Variants in HACD4 observed in about 807,000 individuals in gnomAD.
HACD4 encodes very-long-chain (3R)-3-hydroxyacyl-CoA dehydratase 4.
A neutral mutation model predicts 33.3 loss-of-function variants in HACD4; 35 were observed. The ratio of observed to expected loss-of-function variants is 1.05; its 90% CI spans 0.80 to 1.39. HACD4 has a LOEUF of 1.39. HACD4 is among the 40% of genes most tolerant of loss of function. The probability of loss-of-function intolerance (pLI) is 0.00; values close to 1 mark genes in which losing one functional copy is unlikely to be tolerated. For missense variants in HACD4, 323 were observed against 276.5 expected (o/e 1.17, Z -1.19); for synonymous variants, 118 against 98.0 (o/e 1.20, Z -1.21).
At chr9:21,025,065 A>G (rs780264020) in intron 3 of HACD4, among the ~76,000 whole-genome samples, 15 of 152,168 alleles carry the variant, frequency 9.9e-5, no homozygotes, top group Non-Finnish European at 2.2e-4. Context: ...ACAGATCTGT[A>G]TCCCCGTTTA....
chr9:21,008,005 C>G lies in HACD4; in HGVS notation c.616+16G>C, dbSNP rs1269134740. 1.9e-6 allele frequency: 3 copies of G among 1,570,556 alleles called. No homozygotes were observed. Among genetic ancestry groups the G allele is most frequent in the Non-Finnish European group, 1.7e-6 (2 of 1,161,604 alleles). ...TACAGGAAAAATGCAAAAACAAGAC[C>G]AAAAAAGCCACTTACCTATAAAGAG... On this transcript the variant is annotated intron_variant, in intron 6 of 6. Coordinates refer to ENST00000495827, the MANE Select transcript of HACD4 (RefSeq NM_001010915.5).
intron 3 of HACD4, among the ~76,000 whole-genome samples, chr9:21,016,998 A>T (rs558875703): frequency 2.8e-4 from 43 of 152,268 alleles, no homozygotes; most frequent in African/African-American, 9.9e-4. Flanking sequence ...TGTTATATTA[A>T]TATATCCTGT....
intron 4 of HACD4, among the ~76,000 whole-genome samples, chr9:21,013,240 G>T (rs1243873101): frequency 2.6e-5 from 4 of 151,276 alleles, no homozygotes; most frequent in African/African-American, 9.7e-5. Context: ...TCATTTTTTT[G>T]TGTGTGTATA....
Position 21,014,447 on chromosome 9 carries a change from A to G in HACD4, c.383+1451T>C, listed in dbSNP as rs193127485. Among the ~76,000 whole-genome samples, 333 of 152,308 alleles carry G rather than the reference A, an allele frequency of 2.2e-3. 1 individual carries two copies. Among genetic ancestry groups the G allele is most frequent in the African/African-American group, 7.6e-3 (317 of 41,570 alleles). On this transcript the variant is annotated intron_variant, in intron 4 of 6. Transcript: ENST00000495827. ...AACCTTGAAAACATTATGCTAAGTAAAAGACGCCTGTCACAAGAGGCCACA... is the reference window on the plus strand; with the variant it reads ...AACCTTGAAAACATTATGCTAAGTAGAAGACGCCTGTCACAAGAGGCCACA...
At chr9:21,020,809 T>C (rs1817889644) in intron 3 of HACD4, among the ~76,000 whole-genome samples, 1 of 152,234 alleles carries the variant, frequency 6.6e-6, no homozygotes, top group Non-Finnish European at 1.5e-5. Context: ...AGCTACGCTA[T>C]GGTTTTGCCC....
rs1187213873 is a variant in HACD4, at chr9:21,026,122, G to C, written c.270+474C>G. Among the ~76,000 whole-genome samples the C allele has an allele frequency of 3.3e-5, 5 of 152,210 alleles. No homozygotes were observed. The East Asian group carries it at 9.6e-4, about 29-fold the overall frequency. ...AGGAGTACTCTATTCTCTGGATGTA[G>C]ATGAAGGAAGCCTTTTGTTTTTTAA... On this transcript the variant is annotated intron_variant, in intron 3 of 6. Transcript: ENST00000495827.
intron 1 of HACD4, among the ~76,000 whole-genome samples, chr9:21,031,235 G>A (rs1229414176): frequency 1.3e-5 from 2 of 152,182 alleles, no homozygotes; most frequent in African/African-American, 4.8e-5. Flanking sequence ...GCAACTCTGC[G>A]TCTGAGAAAG....
intron 3 of HACD4, 37 bp downstream of exon 3, chr9:21,026,559 G>A (rs765288326): frequency 1.3e-6 from 2 of 1,541,316 alleles, no homozygotes; most frequent in Non-Finnish European, 1.8e-6. Flanking sequence ...ATGTAAAAAT[G>A]AAACAGATTC....
chr9:21,030,687 A>G (rs1818189192), intron 1 of HACD4, among the ~76,000 whole-genome samples: 1 of 152,194 alleles, frequency 6.6e-6, no homozygotes, highest in South Asian at 2.1e-4. Context: ...ACATCTTGCC[A>G]CTGCCTATTA....
At chr9:21,018,709 A>T (rs947472910) in intron 3 of HACD4, among the ~76,000 whole-genome samples, 8 of 152,194 alleles carry the variant, frequency 5.3e-5, no homozygotes, top group African/African-American at 1.9e-4. Context: ...TCAAACAGGT[A>T]GAGTAAAAGG....
chr9:21,026,379 T>C (rs1030397730), intron 3 of HACD4, among the ~76,000 whole-genome samples: 1 of 152,260 alleles, frequency 6.6e-6, no homozygotes, highest in Admixed American at 6.5e-5. Context: ...AATGCAGTGC[T>C]GCAAGATCAG....
At chr9:21,023,531 G>C (rs983115908) in intron 3 of HACD4, among the ~76,000 whole-genome samples, 3 of 151,686 alleles carry the variant, frequency 2.0e-5, no homozygotes, top group African/African-American at 7.3e-5. Flanking sequence ...ATATTGTGGA[G>C]GACCAGTTCC....
At chr9:21,019,559 TATTTACAGGA>T (rs369124245) in intron 3 of HACD4, among the ~76,000 whole-genome samples, 1 of 152,228 alleles carries the variant, frequency 6.6e-6, no homozygotes, top group East Asian at 1.9e-4. Context: ...ATTTACATTG[TATTTACAGGA>T]AAACATTTTT....
At chr9:21,026,757 A>G in intron 2 of HACD4, 34 bp from the exon 3 acceptor site, 1 of 1,592,970 alleles carries the variant, frequency 6.3e-7, no homozygotes, top group Non-Finnish European at 8.6e-7. Context: ...CAGATATAGG[A>G]AGAAAAAACT....
intron 3 of HACD4, among the ~76,000 whole-genome samples, chr9:21,026,345 G>A (rs1181507723): frequency 3.3e-5 from 5 of 152,204 alleles, no homozygotes; most frequent in East Asian, 1.9e-4. Context: ...AAGTGGCTAC[G>A]AAATCTCCTT....
intron 3 of HACD4, among the ~76,000 whole-genome samples, chr9:21,017,464 C>G (rs1280725846): frequency 6.6e-6 from 1 of 152,086 alleles, no homozygotes; most frequent in African/African-American, 2.4e-5. Flanking sequence ...ATAAATTCTA[C>G]TGAACTGCAA....
chr9:21,015,870 G>A (rs1394261601), intron 4 of HACD4, 28 bp downstream of exon 4: 1 of 1,463,962 alleles, frequency 6.8e-7, no homozygotes, highest in South Asian at 1.1e-5. Context: ...ATTTAGCCTT[G>A]TTTTAAGAGA....
intron 5 of HACD4, among the ~76,000 whole-genome samples, chr9:21,010,469 C>A (rs200676296): frequency 0.24 from 30,297 of 127,816 alleles, 6,000 homozygotes; most frequent in Non-Finnish European, 0.3. Context: ...CCCCCCCCCC[C>A]CAGAGCTTAC....
At position 21,029,299 on chromosome 9, in the gene HACD4, T is replaced by C. The variant is rs778172746; in HGVS notation, c.138A>G (p.Gly46=). The change falls in exon 2 of 7, where the codon GGA becomes GGG. Residue 46 remains glycine (G), a synonymous_variant. Transcript: ENST00000495827. Reference sequence around the variant, plus strand: ...AAAACTGTTTCGGAGTTTTACCTTTTCCAAATGAAAAGAATCTGACTGTCA... The same window carrying C: ...AAAACTGTTTCGGAGTTTTACCTTTCCCAAATGAAAAGAATCTGACTGTCA... ...TNMTVRFFSF[G]KDSMVDTFYA... The C allele has an allele frequency of 3.2e-6, 5 of 1,558,016 alleles. No individual in the cohort carries two copies. The South Asian group carries it at 4.6e-5, about 14-fold the overall frequency.
Sources: gnomAD v4.1 joint callset for allele counts (sites outside exome capture counted in the v4.1 genomes callset) on GRCh38, gnomAD v4.1.1 for gene constraint, MANE v1.5 for transcripts, NCBI Gene and HGNC (gene_info 2026-07-23, HGNC 2026-07-21) for gene names.